Variants in HMCN1 observed in about 807,000 individuals in gnomAD.
The protein encoded by HMCN1 is hemicentin-1.
In HMCN1, 321 loss-of-function variants were observed where a neutral mutation model predicts 625.9. The observed-to-expected ratio is 0.51, with a 90% confidence interval of 0.47 to 0.56. HMCN1 has a LOEUF of 0.56. Among genes scored for constraint, HMCN1 ranks in the 20% least tolerant of loss-of-function variants. HMCN1 has a pLI of 0.00. For synonymous variants in HMCN1, 2,425 were observed against 2,417.6 expected, an observed-to-expected ratio of 1.00 and a Z score of -0.09; for missense variants, 6,588 against 6,887.3, an observed-to-expected ratio of 0.96 and a Z score of 1.54.
rs183233467 is a variant in HMCN1, at chr1:185,770,727, C to T, written c.268+35680C>T. On this transcript the variant is annotated intron_variant, in intron 1 of 106. Transcript: ENST00000271588. Reference sequence around the variant, plus strand: ...TCAGCATTTATACTTTTTACATTCCCATTACTAATATTCACTTGCTTCCTC... The same window carrying T: ...TCAGCATTTATACTTTTTACATTCCTATTACTAATATTCACTTGCTTCCTC... 5.8e-4 allele frequency among the ~76,000 whole-genome samples: 88 copies of T among 152,276 alleles called. 1 individual carries two copies. The highest frequency in any genetic ancestry group is 2.1e-3 in the African/African-American group (86 of 41,564).
chr1:186,054,751 A>C (rs766789299), intron 44 of HMCN1, among the ~76,000 whole-genome samples: 2 of 152,016 alleles, frequency 1.3e-5, no homozygotes, highest in Non-Finnish European at 2.9e-5. Context: ...GAGCTCTGGC[A>C]TTCTACTGGT....
intron 35 of HMCN1, among the ~76,000 whole-genome samples, chr1:186,022,503 A>T (rs1654789723): frequency 6.6e-6 from 1 of 152,182 alleles, no homozygotes; most frequent in Non-Finnish European, 1.5e-5. Context: ...TTCAAAGAAT[A>T]ACCTCTGAAT....
At chr1:185,790,317 G>A (rs79413398) in intron 1 of HMCN1, among the ~76,000 whole-genome samples, 1 of 152,176 alleles carries the variant, frequency 6.6e-6, no homozygotes, top group South Asian at 2.1e-4. Context: ...CAACATGCTT[G>A]TTGCCAAAGC....
chr1:186,123,011 C>T lies in HMCN1; in HGVS notation c.12290C>T (p.Thr4097Met), dbSNP rs370916387. The change falls in exon 81 of 107, where the codon ACG becomes ATG. Residue 4097 changes from threonine to methionine, a missense_variant. By Grantham distance (81) the Thr-to-Met change is moderately conservative. Transcript: ENST00000271588. ...EYVIAVDKPI[T>M]LSCEADGLPP... is the part of the protein sequence containing the mutation. ...GTTATTGCTGTGGACAAGCCCATCA[C>T]GTTATCCTGTGAAGCAGATGGCCTC... The T allele has an allele frequency of 8.7e-6, 14 of 1,614,010 alleles. No individual in the cohort carries two copies. Among genetic ancestry groups the T allele is most frequent in the Admixed American group, 6.7e-5 (4 of 59,992 alleles).
At chr1:186,159,229 G>C (rs1248823800) in intron 97 of HMCN1, among the ~76,000 whole-genome samples, 1 of 151,768 alleles carries the variant, frequency 6.6e-6, no homozygotes, top group African/African-American at 2.4e-5. Context: ...TTGGCTCTCT[G>C]TCTGTTATTG....
chr1:185,741,519 C>A (rs1653992610), intron 1 of HMCN1, among the ~76,000 whole-genome samples: 1 of 152,040 alleles, frequency 6.6e-6, no homozygotes, highest in Non-Finnish European at 1.5e-5. Context: ...TAAATGAGAC[C>A]ATTAAGGGAG....
In HMCN1 at chr1:186,178,641, A is replaced by C. The variant is rs746569964; in HGVS notation, c.16169A>C (p.Gln5390Pro). The C allele has an allele frequency of 1.9e-6, 3 of 1,613,976 alleles. No homozygotes were observed. Among genetic ancestry groups the C allele is most frequent in the African/African-American group, 2.7e-5 (2 of 74,934 alleles). The part of the protein sequence containing the change: ...NNYQPQQHYR[Q>P]YSHLYSSYSE... ...TATCAACCTCAACAGCATTACAGAC[A>C]GTACTCACATCTCTACAGCTCCTAC... The change falls in exon 104 of 107, where the codon CAG (glutamine) becomes CCG (proline). Residue 5390 changes from glutamine to proline, a missense_variant. This residue lies in a region of HMCN1 where 1,954 missense variants were observed against 2,013.1 expected (regional missense o/e 0.97). Coordinates refer to ENST00000271588, the MANE Select transcript of HMCN1 (RefSeq NM_031935.3).
chr1:186,009,712 G>T (rs989808217), intron 30 of HMCN1, among the ~76,000 whole-genome samples: 1 of 152,080 alleles, frequency 6.6e-6, no homozygotes, highest in African/African-American at 2.4e-5. Context: ...AAAAGAGATG[G>T]AGGATAAAAA....
At chr1:185,926,897 A>T (rs1667305334) in intron 9 of HMCN1, among the ~76,000 whole-genome samples, 1 of 152,178 alleles carries the variant, frequency 6.6e-6, no homozygotes, top group Non-Finnish European at 1.5e-5. Flanking sequence ...CTACCCTTCA[A>T]AACTTTTTTA....
rs777774191 is a variant in HMCN1, at chr1:185,925,166, A to G, written c.1405A>G (p.Thr469Ala). The change falls in exon 9 of 107, where the codon ACA becomes GCA. Residue 469 changes from threonine (T) to alanine (A), a missense_variant. Thr to Ala is a moderately conservative substitution (Grantham distance 58). Coordinates refer to ENST00000271588, the MANE Select transcript of HMCN1 (RefSeq NM_031935.3). ...FTLSFVRNGV[T>A]LGVDQYLKES... is the part of the protein sequence containing the mutation. ...CTTGAGCTTTGTCAGAAATGGAGTT[A>G]CACTTGGAGTAGACCAGTATTTGAA... The G allele has an allele frequency of 6.2e-7, 1 of 1,614,002 alleles. No individual in the cohort carries two copies. Among genetic ancestry groups the G allele is most frequent in the East Asian group, 2.2e-5 (1 of 44,882 alleles).
intron 1 of HMCN1, among the ~76,000 whole-genome samples, chr1:185,776,954 G>A (rs1656655958): frequency 6.6e-6 from 1 of 152,156 alleles, no homozygotes; most frequent in South Asian, 2.1e-4. Flanking sequence ...AGTATGGTTT[G>A]CTCATAGCCA....
rs901445694 is a variant in HMCN1, at chr1:186,154,113, C to T, written c.15256+126C>T. On this transcript the variant is annotated intron_variant, in intron 97 of 106. Transcript: ENST00000271588. ...AGGTTTTTCATGTGTGTTGTCTATG[C>T]CTTTTTGTTAAGTAAAGCCCTATGG... 4 of 793,940 alleles carry T rather than the reference C, an allele frequency of 5.0e-6. No individual in the cohort carries two copies. In the African/African-American group the frequency reaches 6.9e-5, roughly 14 times the overall value. 49.2% of individuals were successfully genotyped at this position (793,940 alleles called of 1,614,324 possible). A position where few individuals can be genotyped will look rare whatever the true frequency, so the allele number is the denominator to read the frequency against.
chr1:186,065,066 A>T (rs1242634161), intron 48 of HMCN1, among the ~76,000 whole-genome samples, 172 bp from the exon 49 acceptor site: 1 of 152,202 alleles, frequency 6.6e-6, no homozygotes, highest in Non-Finnish European at 1.5e-5. Flanking sequence ...CAACATAACC[A>T]TTATTATTAT....
intron 1 of HMCN1, among the ~76,000 whole-genome samples, chr1:185,742,738 G>A (rs1654072929): frequency 6.6e-6 from 1 of 152,150 alleles, no homozygotes; most frequent in Admixed American, 6.5e-5. Context: ...TAAAATTTAA[G>A]AGTGAGACAC....
At chr1:185,981,552 A>G (rs926037831) in intron 17 of HMCN1, among the ~76,000 whole-genome samples, 1 of 152,150 alleles carries the variant, frequency 6.6e-6, no homozygotes, top group Non-Finnish European at 1.5e-5. Flanking sequence ...CCCCATGTCT[A>G]TTCCTTAGAA....
intron 53 of HMCN1, among the ~76,000 whole-genome samples, chr1:186,076,129 C>A (rs1658796329): frequency 6.6e-6 from 1 of 152,094 alleles, no homozygotes; most frequent in Non-Finnish European, 1.5e-5. Context: ...TTTAGCAATG[C>A]TCCTTCCTGA....
At chr1:185,839,601 A>G (rs1303114257) in intron 1 of HMCN1, among the ~76,000 whole-genome samples, 3 of 152,140 alleles carry the variant, frequency 2.0e-5, no homozygotes, top group African/African-American at 7.2e-5. Context: ...GTTTTTTGCA[A>G]GAGGGCTTTC....
At chr1:185,791,239 C>T (rs955685846) in intron 1 of HMCN1, among the ~76,000 whole-genome samples, 6 of 152,070 alleles carry the variant, frequency 3.9e-5, no homozygotes, top group African/African-American at 1.4e-4. Context: ...ATGCCTCTTA[C>T]AGTGTCTGGT....
chr1:185,837,853 GA>G (rs1661263213), intron 1 of HMCN1, among the ~76,000 whole-genome samples: 1 of 152,152 alleles, frequency 6.6e-6, no homozygotes, highest in Non-Finnish European at 1.5e-5. Context: ...GATCAGCCAG[GA>G]AACAGGAAAC....
Sources: gnomAD v4.1 joint callset for allele counts (sites outside exome capture counted in the v4.1 genomes callset) on GRCh38, gnomAD v4.1.1 for gene constraint, gnomAD v4.1.1 regional missense constraint, MANE v1.5 for transcripts, NCBI Gene and HGNC (gene_info 2026-07-23, HGNC 2026-07-21) for gene names.